Variants in AOAH observed in about 807,000 individuals in gnomAD.
AOAH encodes acyloxyacyl hydrolase (neutrophil).
Under a neutral mutation model 92.2 loss-of-function variants are expected in AOAH, and 64 were observed. The ratio of observed to expected loss-of-function variants is 0.69; its 90% confidence interval spans 0.57 to 0.86. The LOEUF (loss-of-function observed/expected upper bound fraction) is 0.86, where lower values mean the gene tolerates loss of function less well. AOAH is among the 40% of genes least tolerant of loss of function. AOAH has a pLI of 0.00. For missense variants in AOAH, 656 were observed against 694.6 expected, an observed-to-expected ratio of 0.94 and a Z score of 0.62; for synonymous variants, 263 against 254.5, an observed-to-expected ratio of 1.03 and a Z score of -0.32.
At position 36,626,549 on chromosome 7, in the gene AOAH, C is replaced by G. The variant is rs148313733; in HGVS notation, c.522-3299G>C. 1.3e-4 allele frequency among the ~76,000 whole-genome samples: 20 copies of G among 152,254 alleles called. No homozygotes were observed. In the East Asian group the frequency reaches 3.7e-3, roughly 28 times the overall value. The stretch of plus-strand genomic sequence containing the variant: ...CTAATCAAAATTTTTTTCAACTTAG[C>G]AACAACTTCATTTGGTAGCAAAACT... On this transcript the variant is annotated intron_variant, in intron 6 of 20. Coordinates refer to ENST00000617537, the MANE Select transcript of AOAH (RefSeq NM_001637.4).
intron 1 of AOAH, among the ~76,000 whole-genome samples, chr7:36,700,889 G>T (rs767406153): frequency 2.0e-5 from 3 of 152,042 alleles, no homozygotes; most frequent in Non-Finnish European, 4.4e-5. Flanking sequence ...ACTAGCATAA[G>T]ATGATATCTC....
At chr7:36,547,211 C>T (rs1478575987) in intron 15 of AOAH, among the ~76,000 whole-genome samples, 1 of 152,230 alleles carries the variant, frequency 6.6e-6, no homozygotes, top group African/African-American at 2.4e-5. Context: ...TCCCCGGTGT[C>T]TCTTCACAGA....
intron 13 of AOAH, among the ~76,000 whole-genome samples, chr7:36,557,757 T>C (rs1270079547): frequency 1.3e-5 from 2 of 152,248 alleles, no homozygotes; most frequent in Admixed American, 6.5e-5. Flanking sequence ...GCTGATACCC[T>C]TTCTTCCAGT....
intron 1 of AOAH, among the ~76,000 whole-genome samples, chr7:36,713,790 C>A (rs1449483993): frequency 2.0e-5 from 3 of 151,462 alleles, no homozygotes; most frequent in Admixed American, 2.0e-4. Flanking sequence ...AGAACAAAGA[C>A]ACAACATACC....
chr7:36,663,573 G>C (rs2116566721), intron 3 of AOAH, among the ~76,000 whole-genome samples: 1 of 152,290 alleles, frequency 6.6e-6, no homozygotes, highest in East Asian at 1.9e-4. Flanking sequence ...ACTGCATGTA[G>C]CCTTTTCAGA....
At chr7:36,641,692 T>C (rs1233821797) in intron 4 of AOAH, among the ~76,000 whole-genome samples, 1 of 152,158 alleles carries the variant, frequency 6.6e-6, no homozygotes, top group Admixed American at 6.5e-5. Flanking sequence ...CACACTCCCA[T>C]GCATACATTT....
At chr7:36,539,201 GTCT>G (rs1256196718) in intron 16 of AOAH, among the ~76,000 whole-genome samples, 1 of 152,208 alleles carries the variant, frequency 6.6e-6, no homozygotes, top group Non-Finnish European at 1.5e-5. Flanking sequence ...TGAGTTTCAG[GTCT>G]TCTTTGAATT....
intron 16 of AOAH, among the ~76,000 whole-genome samples, chr7:36,539,827 G>T (rs551547114): frequency 9.2e-5 from 14 of 152,312 alleles, no homozygotes; most frequent in Admixed American, 7.8e-4. Flanking sequence ...TATTTGAGTT[G>T]CCATTAGAAG....
intron 6 of AOAH, among the ~76,000 whole-genome samples, chr7:36,626,846 T>C (rs1023328707): frequency 3.9e-5 from 6 of 152,206 alleles, no homozygotes; most frequent in Non-Finnish European, 8.8e-5. Flanking sequence ...CTTTAGCTCC[T>C]GACCTTAAGT....
At chr7:36,671,767 C>T (rs147082809) in intron 3 of AOAH, among the ~76,000 whole-genome samples, 250 of 151,918 alleles carry the variant, frequency 1.6e-3, no homozygotes, top group African/African-American at 5.7e-3. Flanking sequence ...GTGAACATCT[C>T]GTACAAAGAT....
intron 19 of AOAH, among the ~76,000 whole-genome samples, chr7:36,523,328 G>A (rs1042729886): frequency 3.3e-5 from 5 of 152,210 alleles, no homozygotes; most frequent in Admixed American, 2.6e-4. Flanking sequence ...TCAAATTGAG[G>A]ACACTGTTCA....
chr7:36,600,837 T>G (rs1790515160), intron 11 of AOAH, among the ~76,000 whole-genome samples: 1 of 152,210 alleles, frequency 6.6e-6, no homozygotes, highest in Non-Finnish European at 1.5e-5. Context: ...GGGTGAAAAG[T>G]TCTGAAGTCC....
chr7:36,590,531 T>C (rs764499282), intron 12 of AOAH, among the ~76,000 whole-genome samples: 6 of 152,344 alleles, frequency 3.9e-5, no homozygotes, highest in Non-Finnish European at 8.8e-5. Flanking sequence ...TAAAGTTATC[T>C]ATGAAGGGGA....
intron 2 of AOAH, among the ~76,000 whole-genome samples, chr7:36,681,237 C>T (rs6955086): frequency 0.22 from 33,618 of 151,700 alleles, 4,047 homozygotes; most frequent in African/African-American, 0.32. Context: ...TTCTGTAACT[C>T]GGAGATGTGA....
At chr7:36,534,563 AG>A (rs2116061690) in intron 16 of AOAH, among the ~76,000 whole-genome samples, 1 of 152,368 alleles carries the variant, frequency 6.6e-6, no homozygotes, top group South Asian at 2.1e-4. Flanking sequence ...GTTTCGAGGA[AG>A]GGAAGAGGGA....
At chr7:36,574,133 G>A (rs887471767) in intron 13 of AOAH, among the ~76,000 whole-genome samples, 1 of 152,068 alleles carries the variant, frequency 6.6e-6, no homozygotes, top group African/African-American at 2.4e-5. Flanking sequence ...GAGTAACTGA[G>A]AAACTAAAAA....
At chr7:36,720,902 G>C (rs1052888323) in intron 1 of AOAH, among the ~76,000 whole-genome samples, 3 of 152,168 alleles carry the variant, frequency 2.0e-5, no homozygotes, top group African/African-American at 7.2e-5. Context: ...CTTTTTGTCA[G>C]AAAGTTGTTA....
chr7:36,701,390 A>G (rs1798021957), intron 1 of AOAH, among the ~76,000 whole-genome samples: 1 of 151,548 alleles, frequency 6.6e-6, no homozygotes, highest in Non-Finnish European at 1.5e-5. Context: ...TTTCAACTCT[A>G]CTGTTGCATT....
chr7:36,531,926 C>T (rs1351702694), intron 18 of AOAH, among the ~76,000 whole-genome samples: 1 of 151,964 alleles, frequency 6.6e-6, no homozygotes, highest in African/African-American at 2.4e-5. Context: ...GAGACAGTGG[C>T]TGAGAAACAC....
Sources: allele counts gnomAD v4.1 joint callset (sites outside exome capture counted in the v4.1 genomes callset), GRCh38; gene constraint gnomAD v4.1.1; transcripts MANE v1.5; gene names NCBI Gene and HGNC (gene_info 2026-07-23, HGNC 2026-07-21).